Variants in WWOX observed in about 807,000 individuals in gnomAD.
WWOX encodes the protein WW domain containing oxidoreductase, also known as WW domain-containing oxidoreductase.
A neutral mutation model predicts 46.2 loss-of-function variants in WWOX; 69 were observed. The ratio of observed to expected loss-of-function variants is 1.49; its 90% CI spans 1.23 to 1.82. The LOEUF is 1.82. WWOX is among the 40% of genes most tolerant of loss of function. The pLI is 0.00. For synonymous variants in WWOX, 359 were observed against 202.6 expected (o/e 1.77, Z -6.56); for missense variants, 919 against 542.6 (o/e 1.69, Z -6.89).
At chr16:78,566,440 C>G (rs758414707) in intron 8 of WWOX, among the ~76,000 whole-genome samples, 3 of 152,152 alleles carry the variant, frequency 2.0e-5, no homozygotes, top group Non-Finnish European at 4.4e-5. Flanking sequence ...CTGCCAAAAA[C>G]CAAGTTTTGC....
chr16:78,424,905 T>C lies in WWOX; in HGVS notation c.641T>C (p.Phe214Ser), dbSNP rs1474238209. The change falls in exon 7 of 9, where the codon TTT becomes TCT. Residue 214 changes from phenylalanine to serine, a missense_variant. Coordinates refer to ENST00000566780, the MANE Select transcript of WWOX (RefSeq NM_016373.4). ...LHVLVCNAATFALPWSLTKDG... is the reference protein window; with the variant it reads ...LHVLVCNAATSALPWSLTKDG... Reference sequence around the variant, plus strand: ...GTGCTTGTGTGCAACGCAGCAACTTTTGCTCTACCCTGGAGTCTCACCAAA... The same window carrying C: ...GTGCTTGTGTGCAACGCAGCAACTTCTGCTCTACCCTGGAGTCTCACCAAA... 2.5e-6 allele frequency: 4 copies of C among 1,614,192 alleles called. No homozygotes were observed. Among genetic ancestry groups the C allele is most frequent in the Non-Finnish European group, 8.5e-7 (1 of 1,180,042 alleles).
intron 8 of WWOX, among the ~76,000 whole-genome samples, chr16:78,754,803 C>G (rs994050377): frequency 6.6e-6 from 1 of 152,136 alleles, no homozygotes; most frequent in Non-Finnish European, 1.5e-5. Flanking sequence ...AAGGCCTCTA[C>G]TTATAGATCT....
At chr16:78,975,452 C>T (rs889418303) in intron 8 of WWOX, among the ~76,000 whole-genome samples, 2 of 151,382 alleles carry the variant, frequency 1.3e-5, no homozygotes, top group Non-Finnish European at 2.9e-5. Context: ...TAGAGGGTTC[C>T]CCAACCTTTT....
At chr16:78,167,853 T>G (rs2035023275) in intron 5 of WWOX, 1 of 152,230 alleles carries the variant, frequency 6.6e-6, no homozygotes, top group Admixed American at 6.5e-5. Flanking sequence ...GCTGGTCTAC[T>G]TCCCTTCAGG....
chr16:78,567,552 CAAAAAAAAAA>C (rs71272440), intron 8 of WWOX, among the ~76,000 whole-genome samples: 1 of 52,132 alleles, frequency 1.9e-5, no homozygotes, highest in African/African-American at 7.6e-5. Context: ...GACTCCGTCT[CAAAAAAAAAA>C]AAAAAAAAAA....
chr16:78,355,379 A>G (rs903858263), intron 5 of WWOX: 8 of 235,140 alleles, frequency 3.4e-5, no homozygotes, highest in South Asian at 1.1e-4. Context: ...GAGGCGGGCG[A>G]ATCACGAGGT....
chr16:79,206,057 G>C (rs1014605618), intron 8 of WWOX: 1 of 152,110 alleles, frequency 6.6e-6, no homozygotes, highest in Non-Finnish European at 1.5e-5. Context: ...TCATCGAAGG[G>C]GGTGCTGAGT....
chr16:78,428,498 G>C (rs193060895), intron 7 of WWOX, among the ~76,000 whole-genome samples: 1 of 152,308 alleles, frequency 6.6e-6, no homozygotes, highest in Admixed American at 6.5e-5. Context: ...CAGAGAGAGT[G>C]CCTGATACGT....
chr16:78,529,675 G>C (rs1287091535), intron 8 of WWOX, among the ~76,000 whole-genome samples: 1 of 151,888 alleles, frequency 6.6e-6, no homozygotes, highest in East Asian at 1.9e-4. Flanking sequence ...CACCGTGTTA[G>C]GCAGGATGGT....
intron 8 of WWOX, chr16:79,017,371 A>G (rs1273447422): frequency 7.4e-6 from 1 of 135,574 alleles, no homozygotes; most frequent in Non-Finnish European, 1.5e-5. Context: ...CGGAGCTTGC[A>G]GTGAACCGTG....
chr16:78,502,260 A>T (rs763850110), intron 8 of WWOX, among the ~76,000 whole-genome samples: 4 of 152,108 alleles, frequency 2.6e-5, no homozygotes, highest in African/African-American at 4.8e-5. Flanking sequence ...GTGTATTCAG[A>T]GTTTGCATCC....
chr16:78,923,174 T>C (rs2151272260), intron 8 of WWOX, among the ~76,000 whole-genome samples: 1 of 151,890 alleles, frequency 6.6e-6, no homozygotes, highest in South Asian at 2.1e-4. Context: ...AGAGACGGGG[T>C]TTCTCCATGT....
chr16:78,914,341 T>G (rs936529937), intron 8 of WWOX, among the ~76,000 whole-genome samples: 9 of 152,060 alleles, frequency 5.9e-5, no homozygotes, highest in African/African-American at 2.2e-4. Flanking sequence ...TCTTCAGCAC[T>G]TAGAACAGTA....
intron 5 of WWOX, among the ~76,000 whole-genome samples, chr16:78,283,473 G>T (rs1433092575): frequency 6.6e-6 from 1 of 152,164 alleles, no homozygotes; most frequent in African/African-American, 2.4e-5. Context: ...TTTTCAGGAT[G>T]CTGTGCTAAT....
At chr16:78,550,551 A>G (rs939164428) in intron 8 of WWOX, among the ~76,000 whole-genome samples, 1 of 152,128 alleles carries the variant, frequency 6.6e-6, no homozygotes, top group Admixed American at 6.5e-5. Flanking sequence ...TTTGATTTTC[A>G]TGGTTTTAGA....
At chr16:79,208,323 G>A (rs1005322138) in intron 8 of WWOX, among the ~76,000 whole-genome samples, 8 of 151,446 alleles carry the variant, frequency 5.3e-5, no homozygotes, top group Admixed American at 4.6e-4. Flanking sequence ...CACCTCCCCC[G>A]TTTCCCATGA....
chr16:78,446,237 G>C (rs1201448497), intron 8 of WWOX, among the ~76,000 whole-genome samples: 1 of 152,212 alleles, frequency 6.6e-6, no homozygotes, highest in African/African-American at 2.4e-5. Flanking sequence ...AGAGTATTTT[G>C]TAACCTGTGA....
intron 8 of WWOX, among the ~76,000 whole-genome samples, chr16:79,009,601 C>T (rs985736196): frequency 2.0e-5 from 3 of 152,088 alleles, no homozygotes; most frequent in Admixed American, 6.6e-5. Context: ...TAGGCACATG[C>T]CACCACACCT....
At chr16:79,123,782 C>A (rs970671155) in intron 8 of WWOX, among the ~76,000 whole-genome samples, 2 of 152,120 alleles carry the variant, frequency 1.3e-5, no homozygotes, top group Admixed American at 6.5e-5. Context: ...ATTATGTCAA[C>A]CTGATTTCTT....
Sources: allele counts gnomAD v4.1 joint callset (sites outside exome capture counted in the v4.1 genomes callset), GRCh38; gene constraint gnomAD v4.1.1; transcripts MANE v1.5; gene names NCBI Gene and HGNC (gene_info 2026-07-23, HGNC 2026-07-21).